PDE4D: variants seen among roughly 807,000 people sequenced by gnomAD.
PDE4D encodes the protein phosphodiesterase 4D, also known as 3',5'-cyclic-AMP phosphodiesterase 4D.
A neutral mutation model predicts 87.4 loss-of-function variants in PDE4D; 24 were observed. The observed-to-expected ratio is 0.27, with a 90% CI of 0.20 to 0.39. The LOEUF (loss-of-function observed/expected upper bound fraction) is 0.39, where lower values mean the gene tolerates loss of function less well. Among genes scored for constraint, PDE4D ranks in the 10% least tolerant of loss-of-function variants. The pLI, the probability that PDE4D is intolerant of heterozygous loss-of-function variation, is 1.00. For missense variants in PDE4D, 714 were observed against 1,041.0 expected (o/e 0.69, Z 4.32); for synonymous variants, 384 against 383.2 (o/e 1.00, Z -0.02).
At chr5:59,187,367 A>T (rs1349456003) in intron 3 of PDE4D, among the ~76,000 whole-genome samples, 1 of 152,150 alleles carries the variant, frequency 6.6e-6, no homozygotes, top group East Asian at 1.9e-4. Flanking sequence ...AAGAGTATAA[A>T]GCAAAAAGTC....
intron 1 of PDE4D, among the ~76,000 whole-genome samples, chr5:60,413,333 T>C (rs906845005): frequency 1.9e-4 from 29 of 152,278 alleles, no homozygotes; most frequent in African/African-American, 7.0e-4. Flanking sequence ...TTAAATCCAC[T>C]TTTTTTCCAA....
chr5:60,185,460 G>A (rs1784706203), intron 2 of PDE4D: 4 of 683,472 alleles, frequency 5.9e-6, no homozygotes, highest in South Asian at 5.3e-5. Context: ...TTTCCCACAA[G>A]CCTAATCATG....
intron 1 of PDE4D, among the ~76,000 whole-genome samples, chr5:60,209,816 A>C (rs886390321): frequency 6.6e-6 from 1 of 152,150 alleles, no homozygotes. Context: ...TGTGTTTTTT[A>C]ATTATCTTGA....
chr5:59,150,700 C>T (rs1221768839), intron 5 of PDE4D, among the ~76,000 whole-genome samples: 3 of 152,074 alleles, frequency 2.0e-5, no homozygotes, highest in African/African-American at 7.2e-5. Context: ...ATGGGTTTAC[C>T]AGCAGCCAAT....
At chr5:60,018,049 G>A (rs7720455) in intron 2 of PDE4D, among the ~76,000 whole-genome samples, 110,461 of 152,016 alleles carry the variant, frequency 0.73, 40,749 homozygotes, top group East Asian at 0.88. Context: ...AATGATCAAT[G>A]ATGTTGAGCT....
chr5:59,030,023 A>T (rs1461329430), intron 6 of PDE4D, among the ~76,000 whole-genome samples: 1 of 152,130 alleles, frequency 6.6e-6, no homozygotes. Context: ...CACTCCATAT[A>T]AAAATCAACT....
intron 1 of PDE4D, among the ~76,000 whole-genome samples, chr5:59,359,564 G>A (rs1263610809): frequency 6.6e-6 from 1 of 151,726 alleles, no homozygotes; most frequent in Non-Finnish European, 1.5e-5. Flanking sequence ...TTGAAGAACT[G>A]GCTAATATTT....
chr5:60,028,301 G>A (rs1766860834), intron 2 of PDE4D, among the ~76,000 whole-genome samples: 1 of 151,922 alleles, frequency 6.6e-6, no homozygotes, highest in Non-Finnish European at 1.5e-5. Flanking sequence ...TTTCACACTG[G>A]ATACAATGTA....
chr5:60,238,559 G>C (rs1425479946), intron 1 of PDE4D, among the ~76,000 whole-genome samples: 3 of 151,752 alleles, frequency 2.0e-5, no homozygotes, highest in Non-Finnish European at 4.4e-5. Context: ...AAAACTGGTT[G>C]GTATGAAATA....
At chr5:60,101,042 A>G (rs568328542) in intron 2 of PDE4D, among the ~76,000 whole-genome samples, 1 of 152,244 alleles carries the variant, frequency 6.6e-6, no homozygotes, top group East Asian at 1.9e-4. Flanking sequence ...GCCACTGTCC[A>G]TAGCTGTTAG....
chr5:59,418,508 T>C (rs1485246442), intron 1 of PDE4D, among the ~76,000 whole-genome samples: 1 of 152,178 alleles, frequency 6.6e-6, no homozygotes. Flanking sequence ...ATACTCCCAG[T>C]TGAAAGTAAA....
chr5:59,112,914 C>A (rs1314693568), intron 5 of PDE4D, among the ~76,000 whole-genome samples: 1 of 151,958 alleles, frequency 6.6e-6, no homozygotes, highest in East Asian at 1.9e-4. Context: ...GATTCTCCTG[C>A]CTCAGCCTCC....
intron 1 of PDE4D, among the ~76,000 whole-genome samples, chr5:59,492,202 T>C (rs1806342386): frequency 6.6e-6 from 1 of 152,202 alleles, no homozygotes; most frequent in Admixed American, 6.5e-5. Flanking sequence ...CAAGTATCCA[T>C]GATCCTGAAC....
At chr5:59,139,805 A>T (rs983919903) in intron 5 of PDE4D, among the ~76,000 whole-genome samples, 1 of 151,972 alleles carries the variant, frequency 6.6e-6, no homozygotes, top group African/African-American at 2.4e-5. Context: ...AAAAAAACTA[A>T]AAAACTAAAA....
chr5:59,960,059 A>G (rs1759294659), intron 3 of PDE4D, among the ~76,000 whole-genome samples: 1 of 152,218 alleles, frequency 6.6e-6, no homozygotes, highest in Non-Finnish European at 1.5e-5. Context: ...ACACTTTTCA[A>G]AAGAAGACAT....
intron 1 of PDE4D, among the ~76,000 whole-genome samples, chr5:60,298,429 C>CA (rs1753607236): frequency 6.6e-6 from 1 of 152,084 alleles, no homozygotes. Flanking sequence ...TTTGATTCTG[C>CA]AAAAAAATGT....
At chr5:59,813,445 TACACAC>T (rs35313403) in intron 1 of PDE4D, among the ~76,000 whole-genome samples, 31,903 of 143,034 alleles carry the variant, frequency 0.22, 3,517 homozygotes, top group Middle Eastern at 0.39. Flanking sequence ...CATACACTTG[TACACAC>T]ACACACACAC....
chr5:59,254,159 C>T (rs1760518721), intron 1 of PDE4D, among the ~76,000 whole-genome samples: 1 of 152,046 alleles, frequency 6.6e-6, no homozygotes, highest in Non-Finnish European at 1.5e-5. Flanking sequence ...CTCTTCCAGT[C>T]ACCAACACAT....
At chr5:60,177,035 A>G (rs137939760) in intron 2 of PDE4D, among the ~76,000 whole-genome samples, 19 of 152,226 alleles carry the variant, frequency 1.2e-4, no homozygotes, top group African/African-American at 4.6e-4. Flanking sequence ...AATGCCAGAA[A>G]TGATTATTTT....
Sources: gnomAD v4.1 joint callset for allele counts (sites outside exome capture counted in the v4.1 genomes callset) on GRCh38, gnomAD v4.1.1 for gene constraint, MANE v1.5 for transcripts, NCBI Gene and HGNC (gene_info 2026-07-23, HGNC 2026-07-21) for gene names.